Variants in STK39 observed in about 807,000 individuals in gnomAD.
STK39 encodes STE20/SPS1-related proline-alanine-rich protein kinase.
Under a neutral mutation model 77.8 loss-of-function variants are expected in STK39, and 20 were observed. The ratio of observed to expected loss-of-function variants is 0.26; its 90% confidence interval spans 0.18 to 0.37. The LOEUF (loss-of-function observed/expected upper bound fraction) is 0.37, where lower values mean the gene tolerates loss of function less well. Ranked by LOEUF, STK39 falls within the 10% of genes least tolerant of loss-of-function variation. The pLI, the probability that STK39 is intolerant of heterozygous loss-of-function variation, is 1.00. For synonymous variants in STK39, 246 were observed against 234.1 expected, an observed-to-expected ratio of 1.05 and a Z score of -0.47; for missense variants, 479 against 656.5, an observed-to-expected ratio of 0.73 and a Z score of 2.95.
chr2:167,956,320 G>A (rs538255647), intron 17 of STK39, among the ~76,000 whole-genome samples: 12 of 152,218 alleles, frequency 7.9e-5, no homozygotes, highest in South Asian at 2.1e-4. Flanking sequence ...GCACTTTGGG[G>A]GGCCGAGGCA....
chr2:168,129,930 C>A (rs1158164481), intron 8 of STK39, among the ~76,000 whole-genome samples, 172 bp from the exon 9 acceptor site: 1 of 152,110 alleles, frequency 6.6e-6, no homozygotes, highest in Admixed American at 6.6e-5. Flanking sequence ...GCCAATTTTC[C>A]AGTTCTTTCC....
At position 167,968,323 on chromosome 2, in the gene STK39, T is replaced by C. The variant is rs561889947; in HGVS notation, c.1499-3597A>G. Among the ~76,000 whole-genome samples, 14 of 152,356 alleles carry C rather than the reference T, an allele frequency of 9.2e-5. No individual in the cohort carries two copies. In the South Asian group the frequency reaches 2.9e-3, roughly 32 times the overall value. On this transcript the variant is annotated intron_variant, in intron 16 of 17. Transcript: ENST00000355999. ...CACACCAAGTCATGGGATTGCTGGG[T>C]TAAATACTAGTTCTGTTTTAAGTTA...
intron 10 of STK39, among the ~76,000 whole-genome samples, chr2:168,123,583 A>C (rs573331072): frequency 2.0e-5 from 3 of 152,246 alleles, no homozygotes; most frequent in African/African-American, 7.2e-5. Context: ...AAAAAGTAAA[A>C]ACAAGCCAGG....
At chr2:168,130,137 G>A (rs1042567075) in intron 8 of STK39, among the ~76,000 whole-genome samples, 1 of 152,166 alleles carries the variant, frequency 6.6e-6, no homozygotes, top group Non-Finnish European at 1.5e-5. Context: ...GTCAAAGAAA[G>A]TATACTCTAC....
At chr2:168,192,159 C>T (rs979660161) in intron 1 of STK39, among the ~76,000 whole-genome samples, 2 of 152,146 alleles carry the variant, frequency 1.3e-5, no homozygotes, top group African/African-American at 2.4e-5. Flanking sequence ...GAAGCGTGTC[C>T]CTTCTCCCTC....
intron 1 of STK39, among the ~76,000 whole-genome samples, chr2:168,188,764 T>C (rs972439302): frequency 1.3e-5 from 2 of 152,228 alleles, no homozygotes; most frequent in African/African-American, 4.8e-5. Context: ...GTGCATTCTA[T>C]GTGGCAGGAA....
intron 1 of STK39, among the ~76,000 whole-genome samples, chr2:168,246,185 T>C: frequency 6.6e-6 from 1 of 152,108 alleles, no homozygotes. Flanking sequence ...CAACATCCCA[T>C]CCCTGCGTCA....
At chr2:167,967,790 T>C (rs1028386169) in intron 16 of STK39, among the ~76,000 whole-genome samples, 3 of 152,202 alleles carry the variant, frequency 2.0e-5, no homozygotes, top group African/African-American at 7.2e-5. Flanking sequence ...TCCACATTTT[T>C]TAAAATATAA....
chr2:168,139,972 T>C (rs1687938767), intron 7 of STK39, among the ~76,000 whole-genome samples: 1 of 152,204 alleles, frequency 6.6e-6, no homozygotes, highest in South Asian at 2.1e-4. Flanking sequence ...AGATATTCTC[T>C]GGGAACCTGG....
intron 1 of STK39, chr2:168,231,941 AT>A: frequency 4.2e-6 from 1 of 237,212 alleles, no homozygotes; most frequent in South Asian, 7.8e-5. Flanking sequence ...TTGTAGCCAT[AT>A]TTTTTGCATT....
intron 1 of STK39, among the ~76,000 whole-genome samples, chr2:168,236,729 T>C (rs568000164): frequency 3.3e-5 from 5 of 152,366 alleles, no homozygotes; most frequent in South Asian, 4.1e-4. Context: ...TGCTTGTTTT[T>C]GTCAGGTTTG....
intron 14 of STK39, among the ~76,000 whole-genome samples, chr2:168,056,522 C>T (rs1685530879): frequency 3.9e-5 from 6 of 152,138 alleles, no homozygotes; most frequent in Admixed American, 3.9e-4. Context: ...ACCTACTAGC[C>T]TGTGGAGCAT....
chr2:168,094,325 G>A (rs1686605466), intron 10 of STK39, among the ~76,000 whole-genome samples: 2 of 152,164 alleles, frequency 1.3e-5, no homozygotes, highest in South Asian at 4.1e-4. Flanking sequence ...TGCACCAAAT[G>A]AAAAGTTGTC....
At chr2:168,234,722 CAT>C (rs1690552262) in intron 1 of STK39, among the ~76,000 whole-genome samples, 2 of 152,166 alleles carry the variant, frequency 1.3e-5, no homozygotes, top group Admixed American at 6.5e-5. Context: ...AACCTGGTTA[CAT>C]GTTACATAAA....
chr2:168,091,105 C>T (rs1190136639), intron 10 of STK39, among the ~76,000 whole-genome samples: 1 of 151,406 alleles, frequency 6.6e-6, no homozygotes, highest in East Asian at 1.9e-4. Context: ...ATGCTGTCTG[C>T]AAAGGGCAGA....
chr2:168,190,901 T>C (rs1689323125), intron 1 of STK39, among the ~76,000 whole-genome samples: 1 of 152,200 alleles, frequency 6.6e-6, no homozygotes, highest in South Asian at 2.1e-4. Flanking sequence ...GTTTTACTGA[T>C]TAAATCAACC....
chr2:168,007,721 C>T (rs894518076), intron 16 of STK39, among the ~76,000 whole-genome samples: 10 of 151,884 alleles, frequency 6.6e-5, no homozygotes, highest in African/African-American at 9.7e-5. Flanking sequence ...GTTCAACAGC[C>T]GGGGTGGCTG....
rs1689848352 is a variant in STK39 at position 168,210,030 on chromosome 2, A to AAGGAAGGAAGG, written c.209-27941_209-27940insCCTTCCTTCCT. Among the ~76,000 whole-genome samples, 102 of 110,102 alleles carry AAGGAAGGAAGG rather than the reference A, an allele frequency of 9.3e-4. 2 individuals are homozygous for AAGGAAGGAAGG. Among genetic ancestry groups the AAGGAAGGAAGG allele is most frequent in the East Asian group, 4.4e-3 (14 of 3,196 alleles). 72.2% of individuals were successfully genotyped at this position (110,102 alleles called of 152,430 possible). Reference sequence around the variant, plus strand: ...AAAAAAAATAGGAAAGAAAGGAAAGAAAGGAAGGAAGGAAGGAAGGAAGGA... The same window carrying AAGGAAGGAAGG: ...AAAAAAAATAGGAAAGAAAGGAAAGAAGGAAGGAAGGAAGGAAGGAAGGAAGGAAGGAAGGA... On this transcript the variant is annotated intron_variant, in intron 1 of 17. Transcript: ENST00000355999.
At chr2:168,111,941 C>T (rs1687130147) in intron 10 of STK39, among the ~76,000 whole-genome samples, 2 of 152,162 alleles carry the variant, frequency 1.3e-5, no homozygotes, top group African/African-American at 4.8e-5. Context: ...CCAGTATGGA[C>T]AGAATAAGTC....
Sources: allele counts gnomAD v4.1 joint callset (sites outside exome capture counted in the v4.1 genomes callset), GRCh38; gene constraint gnomAD v4.1.1; transcripts MANE v1.5; gene names NCBI Gene and HGNC (gene_info 2026-07-23, HGNC 2026-07-21).